Variants in CSMD1 observed in about 807,000 individuals in gnomAD.
The protein encoded by CSMD1 is CUB and Sushi multiple domains 1.
CSMD1 carries 213 observed loss-of-function variants against 417.5 expected under a neutral mutation model. That is an observed-to-expected ratio of 0.51 (90% confidence interval 0.46 to 0.57). The LOEUF is 0.57. CSMD1 is among the 20% of genes least tolerant of loss of function. The probability of loss-of-function intolerance (pLI) is 0.00; values close to 1 mark genes in which losing one functional copy is unlikely to be tolerated. For synonymous variants in CSMD1, 2,862 were observed against 1,736.8 expected (o/e 1.65, Z -16.11); for missense variants, 6,923 against 4,529.7 (o/e 1.53, Z -15.17).
chr8:3,829,535 T>A (rs942928297), intron 5 of CSMD1, among the ~76,000 whole-genome samples: 1 of 152,154 alleles, frequency 6.6e-6, no homozygotes, highest in Non-Finnish European at 1.5e-5. Flanking sequence ...CATGATTACA[T>A]GAGTTTGGGA....
intron 1 of CSMD1, among the ~76,000 whole-genome samples, chr8:4,908,583 G>T (rs1805458325): frequency 6.7e-6 from 1 of 150,318 alleles, no homozygotes; most frequent in African/African-American, 2.4e-5. Context: ...TTTCAATGTA[G>T]AGAGTTTTTA....
intron 26 of CSMD1, among the ~76,000 whole-genome samples, chr8:3,267,771 G>A (rs1421605798): frequency 6.6e-6 from 1 of 152,204 alleles, no homozygotes. Context: ...GCAGCTGATG[G>A]GAGTGGAGCG....
chr8:4,784,266 T>A (rs190769639), intron 1 of CSMD1, among the ~76,000 whole-genome samples: 27 of 152,332 alleles, frequency 1.8e-4, no homozygotes, highest in Admixed American at 5.9e-4. Flanking sequence ...TAAACAGGCT[T>A]TACCTTCCTC....
intron 3 of CSMD1, among the ~76,000 whole-genome samples, chr8:4,247,266 G>C (rs140415973): frequency 1.3e-5 from 2 of 152,226 alleles, no homozygotes; most frequent in African/African-American, 4.8e-5. Context: ...AATGACCAAA[G>C]ACAAAATCAC....
chr8:4,728,815 T>G (rs1316746801), intron 1 of CSMD1, among the ~76,000 whole-genome samples: 3 of 151,994 alleles, frequency 2.0e-5, no homozygotes, highest in African/African-American at 7.3e-5. Flanking sequence ...CTCCTTTAGT[T>G]CAAAACACCT....
chr8:4,354,675 G>C (rs1018849806), intron 3 of CSMD1, among the ~76,000 whole-genome samples: 16 of 151,996 alleles, frequency 1.1e-4, no homozygotes, highest in African/African-American at 3.9e-4. Context: ...TAAAATTTTT[G>C]TAACATTTGT....
chr8:3,921,280 A>G (rs1411422183), intron 5 of CSMD1, among the ~76,000 whole-genome samples: 2 of 151,944 alleles, frequency 1.3e-5, no homozygotes, highest in African/African-American at 4.8e-5. Context: ...TTTCATTTCT[A>G]ATTTTGAGTC....
chr8:3,610,464 G>C (rs1349861212), intron 8 of CSMD1, among the ~76,000 whole-genome samples: 1 of 50,190 alleles, frequency 2.0e-5, no homozygotes, highest in Middle Eastern at 0.016. Flanking sequence ...GAGCCCTGGA[G>C]TTCGAGATTA....
intron 10 of CSMD1, among the ~76,000 whole-genome samples, chr8:3,530,519 G>C (rs535606919): frequency 6.6e-6 from 1 of 152,122 alleles, no homozygotes; most frequent in East Asian, 1.9e-4. Flanking sequence ...GAATCTTTTC[G>C]TTTTGTTTTG....
chr8:4,675,742 C>T (rs1805641973), intron 1 of CSMD1, among the ~76,000 whole-genome samples: 1 of 152,128 alleles, frequency 6.6e-6, no homozygotes, highest in South Asian at 2.1e-4. Context: ...TCTGTACTCC[C>T]TTACATTGCA....
chr8:4,023,434 C>T (rs964218358), intron 4 of CSMD1, among the ~76,000 whole-genome samples: 1 of 152,118 alleles, frequency 6.6e-6, no homozygotes, highest in Non-Finnish European at 1.5e-5. Flanking sequence ...GAGGCAAAGC[C>T]AGCACTCATC....
At chr8:3,660,215 A>G (rs933818873) in intron 7 of CSMD1, among the ~76,000 whole-genome samples, 4 of 152,154 alleles carry the variant, frequency 2.6e-5, no homozygotes, top group African/African-American at 7.2e-5. Flanking sequence ...GCAATTATCT[A>G]CATTTGAAGC....
At chr8:2,972,875 G>A (rs1289349732) in intron 57 of CSMD1, among the ~76,000 whole-genome samples, 1 of 152,190 alleles carries the variant, frequency 6.6e-6, no homozygotes, top group African/African-American at 2.4e-5. Context: ...AAGATTAGAA[G>A]CTTCCGTGTT....
At chr8:3,486,852 C>G (rs1384756021) in intron 11 of CSMD1, among the ~76,000 whole-genome samples, 1 of 152,198 alleles carries the variant, frequency 6.6e-6, no homozygotes, top group African/African-American at 2.4e-5. Flanking sequence ...TATCCCCCTA[C>G]CAACAGGGTT....
At position 3,387,645 on chromosome 8, in the gene CSMD1, GC is replaced by G; in HGVS notation, c.2630del (p.Gly877AlafsTer4). On this transcript the variant is annotated frameshift_variant, in exon 18 of 70. Coordinates refer to ENST00000635120, the MANE Select transcript of CSMD1 (RefSeq NM_033225.6). LOFTEE classifies it high-confidence loss of function. ...CGTGGCGATGGCCGTTCACAGGGAT[GC>G]CCGGGTCCAGGCAGGAATCCGACTC... is the stretch of plus-strand genomic sequence containing the variant. Reference protein sequence around the residue: ...TLESDSCLDPGIPVNGHRHGG... With the variant: ...TLESDSCLDPXIPVNGHRHGG... 6.2e-7 allele frequency: 1 copy of G among 1,600,730 alleles called. No homozygotes were observed. Among genetic ancestry groups the G allele is most frequent in the Admixed American group, 1.7e-5 (1 of 58,236 alleles).
At chr8:3,153,461 C>A (rs1819325504) in intron 39 of CSMD1, among the ~76,000 whole-genome samples, 1 of 152,172 alleles carries the variant, frequency 6.6e-6, no homozygotes. Context: ...ATCCAAGAAC[C>A]CTCTCCTGGG....
intron 1 of CSMD1, among the ~76,000 whole-genome samples, chr8:4,815,352 C>T (rs1262085626): frequency 6.6e-6 from 1 of 152,146 alleles, no homozygotes; most frequent in African/African-American, 2.4e-5. Flanking sequence ...CCACTGTGGA[C>T]AGAGCCAGCT....
intron 2 of CSMD1, among the ~76,000 whole-genome samples, chr8:4,468,476 T>A (rs781238287): frequency 1.3e-5 from 2 of 152,232 alleles, no homozygotes; most frequent in Admixed American, 6.5e-5. Flanking sequence ...GCTCTTGATA[T>A]ACCAACTCAT....
intron 12 of CSMD1, among the ~76,000 whole-genome samples, chr8:3,420,292 C>G (rs187134860): frequency 2.0e-5 from 3 of 151,928 alleles, no homozygotes. Flanking sequence ...ACAATACCAA[C>G]CAGGACTCCT....
Sources: allele counts gnomAD v4.1 joint callset (sites outside exome capture counted in the v4.1 genomes callset), GRCh38; gene constraint gnomAD v4.1.1; transcripts MANE v1.5; gene names NCBI Gene and HGNC (gene_info 2026-07-23, HGNC 2026-07-21).